Variants in KIF13B observed in about 807,000 individuals in gnomAD.
KIF13B encodes the protein kinesin-like protein KIF13B.
KIF13B carries 127 observed loss-of-function variants against 222.0 expected under a neutral mutation model. That is an observed-to-expected ratio of 0.57 (90% CI 0.50 to 0.66). The LOEUF is 0.66. KIF13B is among the 30% of genes least tolerant of loss of function. KIF13B has a pLI of 0.00. For missense variants in KIF13B, 2,173 were observed against 2,379.0 expected (o/e 0.91, Z 1.80); for synonymous variants, 976 against 919.0 (o/e 1.06, Z -1.12).
chr8:29,237,431 ATAAC>A (rs1815562802), intron 2 of KIF13B, among the ~76,000 whole-genome samples: 1 of 152,198 alleles, frequency 6.6e-6, no homozygotes, highest in Non-Finnish European at 1.5e-5. Context: ...CCTATTATCC[ATAAC>A]TAACTTAATC....
At chr8:29,178,596 T>C (rs1349323427) in intron 8 of KIF13B, among the ~76,000 whole-genome samples, 6 of 137,446 alleles carry the variant, frequency 4.4e-5, no homozygotes, top group African/African-American at 1.6e-4. Flanking sequence ...TTTCCATAAA[T>C]AAACATGCTG....
At position 29,183,176 on chromosome 8, in the gene KIF13B, T is replaced by TG. The variant is rs1266020493; in HGVS notation, c.498-1171_498-1170insC. 2.6e-4 allele frequency among the ~76,000 whole-genome samples: 39 copies of TG among 149,916 alleles called. 1 individual carries two copies. The highest frequency in any genetic ancestry group is 8.8e-4 in the African/African-American group (36 of 40,698). On this transcript the variant is annotated intron_variant, in intron 6 of 39. Coordinates refer to ENST00000524189, the MANE Select transcript of KIF13B (RefSeq NM_015254.4). Reference sequence around the variant, plus strand: ...TATAATCCTTAAAGTTTGTTTTTTTTTTTTTTTTTTTCCAATGGAGTCTTG... The same window carrying TG: ...TATAATCCTTAAAGTTTGTTTTTTTTGTTTTTTTTTTTCCAATGGAGTCTTG...
chr8:29,106,726 C>T (rs1395612492), intron 35 of KIF13B, among the ~76,000 whole-genome samples: 9 of 146,810 alleles, frequency 6.1e-5, no homozygotes, highest in African/African-American at 2.0e-4. Flanking sequence ...GTCAAACATA[C>T]ACAAAAGCAC....
intron 37 of KIF13B, among the ~76,000 whole-genome samples, chr8:29,077,912 T>C (rs951573447): frequency 6.6e-6 from 1 of 151,966 alleles, no homozygotes; most frequent in African/African-American, 2.4e-5. Context: ...TCTCAACAGA[T>C]GGGCAACCTG....
chr8:29,159,439 C>G (rs1197140775), intron 13 of KIF13B, among the ~76,000 whole-genome samples: 1 of 152,180 alleles, frequency 6.6e-6, no homozygotes, highest in Non-Finnish European at 1.5e-5. Context: ...TGTGAGCCAC[C>G]ACGCCCAGCC....
chr8:29,193,310 A>C (rs1265136302), intron 3 of KIF13B, among the ~76,000 whole-genome samples: 2 of 152,184 alleles, frequency 1.3e-5, no homozygotes, highest in Non-Finnish European at 2.9e-5. Context: ...TCACTAAGCC[A>C]TTTTCAAACA....
intron 2 of KIF13B, among the ~76,000 whole-genome samples, chr8:29,207,393 T>C (rs368509430): frequency 3.6e-4 from 55 of 152,296 alleles, no homozygotes; most frequent in South Asian, 3.5e-3. Flanking sequence ...TAAGGAAGTA[T>C]CAAAGCTATA....
intron 32 of KIF13B, among the ~76,000 whole-genome samples, chr8:29,113,018 C>A (rs1434476646): frequency 6.6e-6 from 1 of 152,170 alleles, no homozygotes; most frequent in Non-Finnish European, 1.5e-5. Flanking sequence ...CTCATTTGAT[C>A]CTTAAAAACA....
At chr8:29,225,726 C>T (rs1232784475) in intron 2 of KIF13B, among the ~76,000 whole-genome samples, 1 of 152,146 alleles carries the variant, frequency 6.6e-6, no homozygotes, top group Admixed American at 6.5e-5. Flanking sequence ...AAAGAATGTT[C>T]GTCTGGGCAG....
chr8:29,148,738 G>T lies in KIF13B; in HGVS notation c.1652C>A (p.Ala551Glu), dbSNP rs775037511. The change falls in exon 16 of 40, where the codon GCA (alanine) becomes GAA (glutamate). Residue 551 changes from alanine (A) to glutamate (E), a missense_variant. Physicochemically the swap from Ala to Glu is moderately radical, Grantham distance 107 (BLOSUM62 -1). This residue lies in a region of KIF13B where 1,480 missense variants were observed against 1,722.8 expected (regional missense o/e 0.86). Transcript: ENST00000524189. The part of the protein sequence containing the change: ...RLNLPKKKKK[A>E]EREDEDQDPS... ...ATCCTGGTCCTCATCCTCTCGTTCTGCTTTCTTTTTCTTTTTAGGCAAATT... is the reference window on the plus strand; with the variant it reads ...ATCCTGGTCCTCATCCTCTCGTTCTTCTTTCTTTTTCTTTTTAGGCAAATT... 2 of 1,596,574 alleles carry T rather than the reference G, an allele frequency of 1.3e-6. No homozygotes were observed. The highest frequency in any genetic ancestry group is 2.3e-5 in the South Asian group (2 of 86,808).
At position 29,173,930 on chromosome 8, in the gene KIF13B, G is replaced by A. The variant is rs181914602; in HGVS notation, c.945+2138C>T. Among the ~76,000 whole-genome samples, 36 of 132,608 alleles carry A rather than the reference G, an allele frequency of 2.7e-4. 1 individual carries two copies. In the East Asian group the frequency reaches 7.0e-3, roughly 26 times the overall value. The allele number at this position is 132,608 out of a possible 152,430, so 87.0% of individuals were successfully genotyped here. On this transcript the variant is annotated intron_variant, in intron 10 of 39. Coordinates refer to ENST00000524189, the MANE Select transcript of KIF13B (RefSeq NM_015254.4). ...TACACTCCAGCCTGGGCAACAGAGC[G>A]AGGCTCCGTCTCAAAAAAAAAAAAA...
chr8:29,127,341 A>C, intron 24 of KIF13B, 73 bp from the exon 25 acceptor site: 5 of 1,319,258 alleles, frequency 3.8e-6, no homozygotes, highest in Non-Finnish European at 5.3e-6. Context: ...AGAGACCCCT[A>C]CAGGCTGATG....
intron 2 of KIF13B, among the ~76,000 whole-genome samples, chr8:29,205,202 T>A (rs1416818179): frequency 6.6e-6 from 1 of 150,898 alleles, no homozygotes; most frequent in Non-Finnish European, 1.5e-5. Flanking sequence ...AAAGTTTTTT[T>A]AAAAAAAAGG....
At chr8:29,171,266 C>T (rs1218885458) in intron 10 of KIF13B, among the ~76,000 whole-genome samples, 1 of 152,186 alleles carries the variant, frequency 6.6e-6, no homozygotes, top group Non-Finnish European at 1.5e-5. Context: ...GATGACTCAG[C>T]GAATGCGTAA....
rs571176416 is a variant in KIF13B at position 29,070,840 on chromosome 8, C to T, written c.5219-74G>A. 2.7e-6 allele frequency: 4 copies of T among 1,505,930 alleles called. No homozygotes were observed. The highest frequency in any genetic ancestry group is 3.6e-6 in the Non-Finnish European group (4 of 1,110,802). The allele number at this position is 1,505,930 out of a possible 1,614,324, so 93.3% of individuals were successfully genotyped here. ...GCCCCCTGCACCTCCCTTACCTCTG[C>T]AGAGGCCATGTGCCCACACTGCCAC... On this transcript the variant is annotated intron_variant, in intron 39 of 39. Transcript: ENST00000524189. The surrounding 1 kb of genome is among the most constrained non-coding windows in gnomAD (Gnocchi z 4.1).
At chr8:29,155,680 C>T in intron 14 of KIF13B, 46 bp downstream of exon 14, 1 of 1,546,046 alleles carries the variant, frequency 6.5e-7, no homozygotes, top group Non-Finnish European at 8.8e-7. Context: ...GTACTTTCTT[C>T]CTCTGAAAAA....
intron 2 of KIF13B, among the ~76,000 whole-genome samples, chr8:29,215,941 T>C (rs1814458988): frequency 6.6e-6 from 1 of 152,212 alleles, no homozygotes; most frequent in Admixed American, 6.5e-5. Context: ...GAAAATTTGT[T>C]TTGTGTATTC....
chr8:29,164,493 T>C (rs770619313), intron 12 of KIF13B, among the ~76,000 whole-genome samples: 7 of 152,212 alleles, frequency 4.6e-5, no homozygotes, highest in Non-Finnish European at 1.0e-4. Flanking sequence ...GTGCTTAGCA[T>C]AGGGCTCAAT....
At chr8:29,139,838 T>G (rs1421134612) in intron 21 of KIF13B, among the ~76,000 whole-genome samples, 1 of 152,076 alleles carries the variant, frequency 6.6e-6, no homozygotes, top group Non-Finnish European at 1.5e-5. Flanking sequence ...TAGCGGGTGT[T>G]TGGAAATGGA....
Sources: allele counts gnomAD v4.1 joint callset (sites outside exome capture counted in the v4.1 genomes callset), GRCh38; gene constraint gnomAD v4.1.1; regional missense constraint gnomAD v4.1.1; non-coding constraint Gnocchi (gnomAD v3.1); transcripts MANE v1.5; gene names NCBI Gene and HGNC (gene_info 2026-07-23, HGNC 2026-07-21).